The following TAOK3 variants were observed in gnomAD, a reference collection of about 807,000 sequenced individuals.
TAOK3 encodes serine/threonine-protein kinase TAO3.
Under a neutral mutation model 120.4 loss-of-function variants are expected in TAOK3, and 40 were observed. The ratio of observed to expected loss-of-function variants is 0.33; its 90% CI spans 0.26 to 0.43. TAOK3 has a LOEUF of 0.43. Ranked by LOEUF, TAOK3 falls within the 20% of genes least tolerant of loss-of-function variation. The probability of loss-of-function intolerance (pLI) is 1.00; values close to 1 mark genes in which losing one functional copy is unlikely to be tolerated. For synonymous variants in TAOK3, 355 were observed against 387.5 expected (o/e 0.92, Z 0.99); for missense variants, 821 against 1,112.1 (o/e 0.74, Z 3.72).
intron 19 of TAOK3, among the ~76,000 whole-genome samples, chr12:118,158,917 C>CT (rs1201071558): frequency 6.6e-6 from 1 of 152,174 alleles, no homozygotes; most frequent in Non-Finnish European, 1.5e-5. Context: ...TTTCACGTCT[C>CT]TAAGTCTTTG....
chr12:118,318,774 C>T (rs1343928771), intron 1 of TAOK3, among the ~76,000 whole-genome samples: 2 of 152,162 alleles, frequency 1.3e-5, no homozygotes, highest in African/African-American at 4.8e-5. Flanking sequence ...GAGATATGTA[C>T]TTTTCATGTT....
chr12:118,203,434 G>A lies in TAOK3; in HGVS notation c.820-1971C>T, dbSNP rs950042532. ...AAGAATGGAGAAGTAAGCCTGGCGC[G>A]GTGGCTCACGCCTATAATCCAACAC... On this transcript the variant is annotated intron_variant, in intron 11 of 20. Transcript: ENST00000392533. Among the ~76,000 whole-genome samples, 9 of 152,104 alleles carry A rather than the reference G, an allele frequency of 5.9e-5. No individual in the cohort carries two copies. In the South Asian group the frequency reaches 1.9e-3, roughly 32 times the overall value.
At position 118,199,217 on chromosome 12, in the gene TAOK3, C is replaced by G. The variant is rs2037900964; in HGVS notation, c.1028G>C (p.Ser343Thr). 6.2e-7 allele frequency: 1 copy of G among 1,614,152 alleles called. No individual in the cohort carries two copies. Among genetic ancestry groups the G allele is most frequent in the Non-Finnish European group, 8.5e-7 (1 of 1,180,016 alleles). ...HGTSLNREMD[S>T]LGSNHSIPSM... ...TGGAATGGAATGGTTGCTGCCCAGG[C>G]TGTCCATTTCCCTGTTCAGGCTGGT... Residue 343 changes from serine (S) to threonine (T), a missense_variant, in exon 13 of 21, where the codon AGC becomes ACC. Ser to Thr is a moderately conservative substitution (Grantham distance 58). Coordinates refer to ENST00000392533, the MANE Select transcript of TAOK3 (RefSeq NM_016281.4).
intron 1 of TAOK3, among the ~76,000 whole-genome samples, chr12:118,319,258 C>T (rs1406635972): frequency 6.6e-6 from 1 of 151,660 alleles, no homozygotes; most frequent in Middle Eastern, 3.4e-3. Context: ...AGCAAAAAAC[C>T]CCTCAACAAT....
At chr12:118,332,619 AAAG>A (rs1478718995) in intron 1 of TAOK3, among the ~76,000 whole-genome samples, 2 of 152,250 alleles carry the variant, frequency 1.3e-5, no homozygotes, top group Non-Finnish European at 2.9e-5. Context: ...GGATACACAG[AAAG>A]AAGCCATGTT....
At chr12:118,289,079 C>T (rs2042374386) in intron 1 of TAOK3, among the ~76,000 whole-genome samples, 2 of 151,724 alleles carry the variant, frequency 1.3e-5, no homozygotes, top group Admixed American at 1.3e-4. Context: ...GCAGGTAGAT[C>T]ACTTGAGGTC....
intron 1 of TAOK3, among the ~76,000 whole-genome samples, chr12:118,361,417 T>A (rs1593701757): frequency 6.6e-6 from 1 of 152,102 alleles, no homozygotes; most frequent in Non-Finnish European, 1.5e-5. Context: ...TGCAGATGAA[T>A]ACTACTCTTC....
intron 12 of TAOK3, chr12:118,201,017 C>G (rs1239133633): frequency 3.6e-6 from 1 of 274,248 alleles, no homozygotes; most frequent in Admixed American, 4.7e-5. Context: ...AGAAACTACC[C>G]ACATCATGTC....
In TAOK3 at chr12:118,182,012, C is replaced by T. The variant is rs185901720; in HGVS notation, c.1330-405G>A. On this transcript the variant is annotated intron_variant, in intron 14 of 20. Coordinates refer to ENST00000392533, the MANE Select transcript of TAOK3 (RefSeq NM_016281.4). Reference sequence around the variant, plus strand: ...CCAGCCTGGCCAACATGGTAAAACCCCGTCTCTACTAAAAATACAAAAATT... The same window carrying T: ...CCAGCCTGGCCAACATGGTAAAACCTCGTCTCTACTAAAAATACAAAAATT... Among the ~76,000 whole-genome samples, 3 of 152,144 alleles carry T rather than the reference C, an allele frequency of 2.0e-5. No homozygotes were observed. The East Asian group carries it at 5.8e-4, about 30-fold the overall frequency.
intron 1 of TAOK3, among the ~76,000 whole-genome samples, chr12:118,321,791 TA>T (rs1176581672): frequency 6.6e-6 from 1 of 152,210 alleles, no homozygotes; most frequent in Non-Finnish European, 1.5e-5. Context: ...CAAAAGGACC[TA>T]ATGTCATCGC....
At chr12:118,240,499 C>T (rs2040203543) in intron 5 of TAOK3, among the ~76,000 whole-genome samples, 2 of 151,232 alleles carry the variant, frequency 1.3e-5, no homozygotes, top group Admixed American at 6.6e-5. Context: ...CTCTTATCCT[C>T]GATTTCTTTT....
intron 1 of TAOK3, among the ~76,000 whole-genome samples, chr12:118,321,519 C>T (rs998892701): frequency 1.3e-5 from 2 of 152,138 alleles, no homozygotes; most frequent in Admixed American, 6.5e-5. Context: ...CTCGGTTTCC[C>T]AAAGTGCTGG....
At chr12:118,216,404 A>G (rs1253999269) in intron 9 of TAOK3, among the ~76,000 whole-genome samples, 4 of 152,210 alleles carry the variant, frequency 2.6e-5, no homozygotes, top group Non-Finnish European at 4.4e-5. Context: ...CTCACCTATC[A>G]TATCTACATC....
chr12:118,280,513 G>T (rs1035173703), intron 1 of TAOK3, among the ~76,000 whole-genome samples: 1 of 152,136 alleles, frequency 6.6e-6, no homozygotes, highest in Admixed American at 6.5e-5. Context: ...GTAGGTGTGC[G>T]GCATTATTTC....
chr12:118,308,931 C>A (rs71450272), intron 1 of TAOK3, among the ~76,000 whole-genome samples: 4,014 of 29,998 alleles, frequency 0.13, 133 homozygotes, highest in Non-Finnish European at 0.2. Flanking sequence ...ACTCTGTCTC[C>A]AAAAAAAAAA....
At chr12:118,217,811 G>GTGTGTATA (rs1353848789) in intron 9 of TAOK3, among the ~76,000 whole-genome samples, 18 of 75,402 alleles carry the variant, frequency 2.4e-4, no homozygotes, top group Non-Finnish European at 3.6e-4. Flanking sequence ...GTGTGTGTGT[G>GTGTGTATA]TATACATATA....
chr12:118,348,626 A>AT (rs1451939205), intron 1 of TAOK3, among the ~76,000 whole-genome samples: 1 of 151,440 alleles, frequency 6.6e-6, no homozygotes, highest in African/African-American at 2.4e-5. Context: ...AATTTTTTGT[A>AT]TTTTTAGTAG....
chr12:118,290,243 T>TCTTGGATCTTGTCC, intron 1 of TAOK3, among the ~76,000 whole-genome samples: 1 of 152,202 alleles, frequency 6.6e-6, no homozygotes, highest in African/African-American at 2.4e-5. Flanking sequence ...GCTCCTTGTC[T>TCTTGGATCTTGTCC]ACTCTTGGAT....
At chr12:118,231,370 C>CTT (rs76340764) in intron 9 of TAOK3, among the ~76,000 whole-genome samples, 2 of 138,842 alleles carry the variant, frequency 1.4e-5, no homozygotes, top group Non-Finnish European at 3.2e-5. Context: ...TCCAGGAATT[C>CTT]TTTTTTTTTT....
Sources: gnomAD v4.1 joint callset for allele counts (sites outside exome capture counted in the v4.1 genomes callset) on GRCh38, gnomAD v4.1.1 for gene constraint, MANE v1.5 for transcripts, NCBI Gene and HGNC (gene_info 2026-07-23, HGNC 2026-07-21) for gene names.